CAND2: variants seen among roughly 807,000 people sequenced by gnomAD.
CAND2 encodes the protein cullin associated and neddylation dissociated 2 (putative).
CAND2 carries 62 observed loss-of-function variants against 98.9 expected under a neutral mutation model. The observed-to-expected ratio is 0.63, with a 90% CI of 0.51 to 0.77. CAND2 has a LOEUF of 0.77. Ranked by LOEUF, CAND2 falls within the 30% of genes least tolerant of loss-of-function variation. The pLI is 0.00. For synonymous variants in CAND2, 770 were observed against 731.9 expected, an observed-to-expected ratio of 1.05 and a Z score of -0.84; for missense variants, 1,501 against 1,655.2, an observed-to-expected ratio of 0.91 and a Z score of 1.62.
intron 11 of CAND2, among the ~76,000 whole-genome samples, chr3:12,822,939 CCT>C (rs932929157): frequency 3.9e-5 from 6 of 152,054 alleles, no homozygotes; most frequent in African/African-American, 7.2e-5. Flanking sequence ...TCTTTCTCTC[CCT>C]CTCTCTTCTT....
intron 2 of CAND2, among the ~76,000 whole-genome samples, chr3:12,805,068 C>G (rs2061796050): frequency 6.6e-6 from 1 of 152,110 alleles, no homozygotes; most frequent in African/African-American, 2.4e-5. Flanking sequence ...ATGCCCTAAC[C>G]ATAACCATAA....
At chr3:12,810,826 A>G (rs1004887373) in intron 5 of CAND2, among the ~76,000 whole-genome samples, 2 of 152,214 alleles carry the variant, frequency 1.3e-5, no homozygotes, top group Non-Finnish European at 2.9e-5. Context: ...AAAGTGTGCA[A>G]TTCAGTGTGT....
At chr3:12,827,693 C>T in intron 13 of CAND2, 89 bp downstream of exon 13, 2 of 1,252,730 alleles carry the variant, frequency 1.6e-6, no homozygotes, top group Non-Finnish European at 2.2e-6. Flanking sequence ...GTCCTTGCTC[C>T]CTACTCCAGG....
intron 5 of CAND2, among the ~76,000 whole-genome samples, chr3:12,811,124 TG>T (rs58543831): frequency 1.3e-3 from 182 of 144,442 alleles, no homozygotes; most frequent in African/African-American, 3.8e-3. Context: ...CGGCGGGGGG[TG>T]GGGGGGGGAA....
intron 5 of CAND2, among the ~76,000 whole-genome samples, chr3:12,810,740 T>C (rs1393496437): frequency 2.0e-5 from 3 of 152,206 alleles, no homozygotes; most frequent in African/African-American, 7.2e-5. Context: ...GACAAAGATA[T>C]CTTAGTAACA....
intron 5 of CAND2, among the ~76,000 whole-genome samples, chr3:12,812,626 G>A (rs185226316): frequency 0.017 from 2,626 of 151,994 alleles, 36 homozygotes; most frequent in Middle Eastern, 0.048. Context: ...GGATAGTCTC[G>A]ATCTCCTGAC....
At chr3:12,832,786 T>C (rs1354526555) in intron 14 of CAND2, 1 of 152,246 alleles carries the variant, frequency 6.6e-6, no homozygotes, top group East Asian at 1.9e-4. Flanking sequence ...GAGGGACACC[T>C]GTACTACTCA....
At chr3:12,829,222 T>C (rs1338249199) in intron 13 of CAND2, among the ~76,000 whole-genome samples, 2 of 152,260 alleles carry the variant, frequency 1.3e-5, no homozygotes, top group African/African-American at 2.4e-5. Flanking sequence ...CTTGGCTCAC[T>C]GCAACCTCCG....
At chr3:12,798,875 G>T (rs548652171) in intron 1 of CAND2, among the ~76,000 whole-genome samples, 5 of 142,740 alleles carry the variant, frequency 3.5e-5, no homozygotes, top group Non-Finnish European at 7.7e-5. Context: ...TGCCTCTAGG[G>T]TTTCTCTGTA....
At chr3:12,816,224 T>TGA (rs2061897798) in intron 9 of CAND2, 150 bp from the exon 10 acceptor site, 1 of 858,186 alleles carries the variant, frequency 1.2e-6, no homozygotes, top group African/African-American at 1.7e-5. Context: ...CCCTGGCCAC[T>TGA]GGTCAGGGCT....
rs2061885192 is a variant in CAND2 at position 12,815,057 on chromosome 3, T to G, written c.1007-84T>G. 2 of 1,392,876 alleles carry G rather than the reference T, an allele frequency of 1.4e-6. No individual in the cohort carries two copies. The allele number at this position is 1,392,876 out of a possible 1,614,324, so 86.3% of individuals were successfully genotyped here. A position where few individuals can be genotyped will look rare whatever the true frequency, so the allele number is the denominator to read the frequency against. On this transcript the variant is annotated intron_variant, in intron 7 of 14. Coordinates refer to ENST00000456430, the MANE Select transcript of CAND2 (RefSeq NM_001162499.2). This position sits in a 1 kb window ranked among gnomAD's most constrained non-coding sequence, Gnocchi z 5.7. Reference sequence around the variant, plus strand: ...AAAAGTGAAGCACAGTGCCCAGCTCTCTCTCCTCCCTGTCCCTTCTCCCCC... The same window carrying G: ...AAAAGTGAAGCACAGTGCCCAGCTCGCTCTCCTCCCTGTCCCTTCTCCCCC...
In CAND2 at chr3:12,834,296, T is replaced by G. The variant is rs943612118; in HGVS notation, c.*314T>G. Reference sequence around the variant, plus strand: ...TAGTCTGTCTGGTTCCTTCAGAGGGTGTCTCTGCCTCACAAACTAGTAGTA... The same window carrying G: ...TAGTCTGTCTGGTTCCTTCAGAGGGGGTCTCTGCCTCACAAACTAGTAGTA... On this transcript the variant is annotated 3_prime_UTR_variant, in exon 15 of 15. Coordinates refer to ENST00000456430, the MANE Select transcript of CAND2 (RefSeq NM_001162499.2). 4 of 340,374 alleles carry G rather than the reference T, an allele frequency of 1.2e-5. No individual in the cohort carries two copies. Among genetic ancestry groups the G allele is most frequent in the Non-Finnish European group, 2.2e-5 (4 of 181,726 alleles). 21.1% of individuals were successfully genotyped at this position (340,374 alleles called of 1,614,324 possible).
intron 11 of CAND2, among the ~76,000 whole-genome samples, chr3:12,820,429 C>G (rs943529234): frequency 2.6e-5 from 4 of 152,234 alleles, no homozygotes; most frequent in African/African-American, 9.7e-5. Context: ...CCTCATCTGT[C>G]AAATGGGCGT....
chr3:12,797,239 C>T (rs2061733225), intron 1 of CAND2, among the ~76,000 whole-genome samples: 1 of 150,376 alleles, frequency 6.6e-6, no homozygotes, highest in Non-Finnish European at 1.5e-5. Flanking sequence ...GGGACCCCAG[C>T]ACCTGCCTCT....
rs1269908758 is a variant in CAND2, at chr3:12,817,089, C to A, written c.2157C>A (p.Ala719=). ...HVAQLAVDFL[A]TVTQAQPASL... Reference sequence around the variant, plus strand: ...CCCAGCTGGCTGTGGACTTCCTTGCCACAGTGACCCAGGCCCAGCCAGCCT... The same window carrying A: ...CCCAGCTGGCTGTGGACTTCCTTGCAACAGTGACCCAGGCCCAGCCAGCCT... Residue 719 remains alanine (A), a synonymous_variant, in exon 10 of 15, where the codon GCC becomes GCA. Transcript: ENST00000456430. 1.2e-6 allele frequency: 2 copies of A among 1,612,862 alleles called. No homozygotes were observed.
Position 12,820,100 on chromosome 3 carries a change from C to CGGA in CAND2, c.2961_2963dup (p.Arg987dup). 6.2e-7 allele frequency: 1 copy of CGGA among 1,614,146 alleles called. No homozygotes were observed. Among genetic ancestry groups the CGGA allele is most frequent in the Non-Finnish European group, 8.5e-7 (1 of 1,179,990 alleles). ...TTGTCCTGCAGGTCGGCCACACACC[C>CGGA]GGAGCACCGTCATCACAGCGGTCAA... On this transcript the variant is annotated inframe_insertion, in exon 11 of 15. Coordinates refer to ENST00000456430, the MANE Select transcript of CAND2 (RefSeq NM_001162499.2).
rs1465246333 is a variant in CAND2 at position 12,834,313 on chromosome 3, CTAG to C, written c.*337_*339del. The C allele has an allele frequency of 3.3e-6, 1 of 300,628 alleles. No individual in the cohort carries two copies. The highest frequency in any genetic ancestry group is 6.3e-6 in the Non-Finnish European group (1 of 157,950). The allele number at this position is 300,628 out of a possible 1,614,324, so 18.6% of individuals were successfully genotyped here. A position where few individuals can be genotyped will look rare whatever the true frequency, so the allele number is the denominator to read the frequency against. Reference sequence around the variant, plus strand: ...TCAGAGGGTGTCTCTGCCTCACAAACTAGTAGTATTTAGAAATAGGCTGTGCTG... The same window carrying C: ...TCAGAGGGTGTCTCTGCCTCACAAACTAGTATTTAGAAATAGGCTGTGCTG... On this transcript the variant is annotated 3_prime_UTR_variant, in exon 15 of 15. Transcript: ENST00000456430.
At position 12,796,708 on chromosome 3, in the gene CAND2, G is replaced by T; in HGVS notation, c.-13G>T. 6.4e-7 allele frequency: 1 copy of T among 1,568,220 alleles called. No individual in the cohort carries two copies. The highest frequency in any genetic ancestry group is 1.2e-5 in the South Asian group (1 of 85,506). ...TTCCCTCCCGCCGGCCGGCTCCGCG[G>T]CGCGCAGCCACCATGAGCACCGCCG... On this transcript the variant is annotated 5_prime_UTR_variant, in exon 1 of 15. Transcript: ENST00000456430.
intron 5 of CAND2, among the ~76,000 whole-genome samples, chr3:12,810,865 T>A (rs143198660): frequency 1.2e-4 from 18 of 152,366 alleles, no homozygotes; most frequent in African/African-American, 4.1e-4. Context: ...CCGTGAAACC[T>A]TTCCATCACC....
Sources: gnomAD v4.1 joint callset for allele counts (sites outside exome capture counted in the v4.1 genomes callset) on GRCh38, gnomAD v4.1.1 for gene constraint, Gnocchi (gnomAD v3.1) non-coding constraint, MANE v1.5 for transcripts, NCBI Gene and HGNC (gene_info 2026-07-23, HGNC 2026-07-21) for gene names.